Variants in SULF2 observed in about 807,000 individuals in gnomAD.
The protein encoded by SULF2 is sulfatase 2.
In SULF2, 52 loss-of-function variants were observed where a neutral mutation model predicts 107.7. The observed-to-expected ratio is 0.48, with a 90% CI of 0.39 to 0.61. The LOEUF is 0.61. SULF2 is among the 20% of genes least tolerant of loss of function. The pLI is 0.00. For missense variants in SULF2, 993 were observed against 1,177.3 expected (o/e 0.84, Z 2.29); for synonymous variants, 460 against 464.3 (o/e 0.99, Z 0.12).
chr20:47,784,236 G>A (rs187374802), intron 1 of SULF2, among the ~76,000 whole-genome samples: 91 of 152,338 alleles, frequency 6.0e-4, no homozygotes, highest in African/African-American at 2.0e-3. Flanking sequence ...GAGGGCGGGT[G>A]TCCCAACACG....
At chr20:47,672,619 C>T in intron 10 of SULF2, 1 of 903,026 alleles carries the variant, frequency 1.1e-6, no homozygotes, top group Non-Finnish European at 1.3e-6. Flanking sequence ...ACAGCCACCA[C>T]TCTCACGGTT....
chr20:47,665,470 A>G (rs1168812870), intron 13 of SULF2, among the ~76,000 whole-genome samples, 177 bp from the exon 14 acceptor site: 1 of 152,150 alleles, frequency 6.6e-6, no homozygotes, highest in Non-Finnish European at 1.5e-5. Flanking sequence ...GTTCTGCCTG[A>G]AGGAAGCCCG....
intron 20 of SULF2, 55 bp downstream of exon 20, chr20:47,659,344 C>CA: frequency 1.3e-6 from 2 of 1,531,490 alleles, no homozygotes; most frequent in East Asian, 4.5e-5. Flanking sequence ...ATAGCATTGG[C>CA]AAAATGAAGC....
intron 2 of SULF2, among the ~76,000 whole-genome samples, chr20:47,749,198 A>G (rs1280893415): frequency 6.6e-6 from 1 of 152,192 alleles, no homozygotes; most frequent in African/African-American, 2.4e-5. Context: ...ATAACCTTGA[A>G]GCCACCAAGC....
chr20:47,676,881 C>T (rs2087659365), intron 9 of SULF2, among the ~76,000 whole-genome samples, 197 bp downstream of exon 9: 1 of 152,208 alleles, frequency 6.6e-6, no homozygotes. Flanking sequence ...CAAAGCATGC[C>T]AAAAGCGTAC....
In SULF2 at chr20:47,676,595, T is replaced by C; in HGVS notation, c.1279A>G (p.Lys427Glu). The change falls in exon 10 of 21, where the codon AAG (lysine) becomes GAG (glutamate). Residue 427 changes from lysine (K) to glutamate (E), a missense_variant. By Grantham distance (56) the Lys-to-Glu change is moderately conservative (BLOSUM62 1). This residue lies in a region of SULF2 where 108 missense variants were observed against 183.9 expected (regional missense o/e 0.59). Transcript: ENST00000688720. ...AAGTTCTCCTCCTGGGCGTCCACCTTGTCATTGTCTCTCTTGTGTAGCAGC... is the reference window on the plus strand; with the variant it reads ...AAGTTCTCCTCCTGGGCGTCCACCTCGTCATTGTCTCTCTTGTGTAGCAGC... ...GKLLHKRDND[K>E]VDAQEENFLP... is the part of the protein sequence containing the mutation. 6.4e-7 allele frequency: 1 copy of C among 1,558,454 alleles called. No individual in the cohort carries two copies. Among genetic ancestry groups the C allele is most frequent in the Non-Finnish European group, 8.7e-7 (1 of 1,150,916 alleles).
chr20:47,752,887 G>A (rs1407279681), intron 2 of SULF2, among the ~76,000 whole-genome samples: 1 of 152,132 alleles, frequency 6.6e-6, no homozygotes, highest in African/African-American at 2.4e-5. Context: ...GACTGCTTGA[G>A]GTCAGGAGTT....
chr20:47,770,458 G>C (rs2146965308), intron 1 of SULF2, among the ~76,000 whole-genome samples: 1 of 152,288 alleles, frequency 6.6e-6, no homozygotes, highest in South Asian at 2.1e-4. Flanking sequence ...TGACTAGGTG[G>C]GAGCAAAGAA....
At chr20:47,747,924 TG>T (rs1196814110) in intron 2 of SULF2, among the ~76,000 whole-genome samples, 4 of 152,166 alleles carry the variant, frequency 2.6e-5, no homozygotes, top group Non-Finnish European at 4.4e-5. Flanking sequence ...TCTCTCGCTC[TG>T]CAGTGCCCCG....
At position 47,680,467 on chromosome 20, in the gene SULF2, G is replaced by C. The variant is rs901084316; in HGVS notation, c.1065-1663C>G. ...GACTTAAGGGGTGTGCCCAGCACAG[G>C]ACCCAGGACCTGTTGAATGGTGGAC... On this transcript the variant is annotated intron_variant, in intron 7 of 20. Coordinates refer to ENST00000688720, the MANE Select transcript of SULF2 (RefSeq NM_001387048.1). This position sits in a 1 kb window ranked among gnomAD's most constrained non-coding sequence, Gnocchi z 4.2. 1.3e-5 allele frequency among the ~76,000 whole-genome samples: 2 copies of C among 152,226 alleles called. No homozygotes were observed. The highest frequency in any genetic ancestry group is 1.9e-4 in the East Asian group (1 of 5,190).
At chr20:47,777,426 C>T (rs951807417) in intron 1 of SULF2, among the ~76,000 whole-genome samples, 13 of 152,132 alleles carry the variant, frequency 8.5e-5, no homozygotes, top group Non-Finnish European at 1.5e-4. Context: ...CTGTGGCAGC[C>T]ATATTGAGAC....
intron 3 of SULF2, among the ~76,000 whole-genome samples, chr20:47,707,399 G>C (rs533312568): frequency 6.6e-6 from 1 of 152,248 alleles, no homozygotes; most frequent in South Asian, 2.1e-4. Context: ...ACTCTCTTCA[G>C]GGCAAGTTCA....
chr20:47,761,334 C>T (rs961037909), intron 1 of SULF2, among the ~76,000 whole-genome samples: 3 of 152,218 alleles, frequency 2.0e-5, no homozygotes, highest in Admixed American at 2.0e-4. Context: ...TCACGAAACT[C>T]GGATTTCCCA....
At chr20:47,715,265 C>T (rs1183846068) in intron 3 of SULF2, among the ~76,000 whole-genome samples, 3 of 151,934 alleles carry the variant, frequency 2.0e-5, no homozygotes, top group Admixed American at 2.0e-4. Context: ...AATCCTAACC[C>T]TCCTATTCAA....
chr20:47,701,054 G>A (rs943175980), intron 4 of SULF2, among the ~76,000 whole-genome samples: 4 of 152,156 alleles, frequency 2.6e-5, no homozygotes, highest in Non-Finnish European at 4.4e-5. Flanking sequence ...AGATGTTCAC[G>A]GCAGCTTAGT....
chr20:47,723,831 G>A (rs1178520101), intron 3 of SULF2, among the ~76,000 whole-genome samples: 1 of 152,192 alleles, frequency 6.6e-6, no homozygotes, highest in Non-Finnish European at 1.5e-5. Context: ...ATATTATAAT[G>A]TGATAATATT....
intron 1 of SULF2, among the ~76,000 whole-genome samples, chr20:47,775,289 C>A (rs2090705054): frequency 6.6e-6 from 1 of 152,210 alleles, no homozygotes; most frequent in Non-Finnish European, 1.5e-5. Context: ...ACCTGCCATA[C>A]TGCGAGGAAG....
At chr20:47,728,605 G>A (rs1382917893) in intron 3 of SULF2, among the ~76,000 whole-genome samples, 1 of 152,160 alleles carries the variant, frequency 6.6e-6, no homozygotes, top group East Asian at 1.9e-4. Flanking sequence ...CAACCCGCGA[G>A]GGCACAGAAC....
intron 2 of SULF2, among the ~76,000 whole-genome samples, chr20:47,755,584 T>C (rs1363940228): frequency 1.3e-5 from 2 of 152,280 alleles, no homozygotes; most frequent in African/African-American, 4.8e-5. Flanking sequence ...TTCCCAAATA[T>C]ACATCAGGTG....
Sources: gnomAD v4.1 joint callset for allele counts (sites outside exome capture counted in the v4.1 genomes callset) on GRCh38, gnomAD v4.1.1 for gene constraint, gnomAD v4.1.1 regional missense constraint, Gnocchi (gnomAD v3.1) non-coding constraint, MANE v1.5 for transcripts, NCBI Gene and HGNC (gene_info 2026-07-23, HGNC 2026-07-21) for gene names.